Variants in RBFOX1 observed in about 807,000 individuals in gnomAD.
RBFOX1 encodes the protein RNA binding fox-1 homolog 1.
A neutral mutation model predicts 57.7 loss-of-function variants in RBFOX1; 8 were observed. That is an observed-to-expected ratio of 0.14 (90% CI 0.08 to 0.25). RBFOX1 has a LOEUF of 0.25. Ranked by LOEUF, RBFOX1 falls within the 10% of genes least tolerant of loss-of-function variation. The pLI, the probability that RBFOX1 is intolerant of heterozygous loss-of-function variation, is 1.00. For missense variants in RBFOX1, 611 were observed against 548.5 expected (o/e 1.11, Z -1.14); for synonymous variants, 326 against 222.4 (o/e 1.47, Z -4.15).
intron 4 of RBFOX1, among the ~76,000 whole-genome samples, chr16:7,189,429 A>AG (rs2084783437): frequency 1.0e-5 from 1 of 97,992 alleles, no homozygotes; most frequent in South Asian, 3.0e-4. Context: ...CCCTCTCAAA[A>AG]AAAAAAAAAA....
At chr16:7,213,961 C>T (rs937005688) in intron 4 of RBFOX1, among the ~76,000 whole-genome samples, 4 of 152,066 alleles carry the variant, frequency 2.6e-5, no homozygotes, top group African/African-American at 9.7e-5. Flanking sequence ...ATTCCATTTG[C>T]ACCGCAGAGC....
intron 1 of RBFOX1, among the ~76,000 whole-genome samples, chr16:6,101,213 C>G (rs1209324593): frequency 1.3e-5 from 2 of 152,184 alleles, no homozygotes; most frequent in Non-Finnish European, 2.9e-5. Context: ...TCCGGACCCA[C>G]TCTCTCACTT....
chr16:7,077,102 A>G (rs2153789771), intron 4 of RBFOX1, among the ~76,000 whole-genome samples: 1 of 152,200 alleles, frequency 6.6e-6, no homozygotes, highest in South Asian at 2.1e-4. Context: ...TGCACTTATA[A>G]TTTTCTGCCC....
intron 4 of RBFOX1, among the ~76,000 whole-genome samples, chr16:7,119,890 G>A (rs2066734421): frequency 6.6e-6 from 1 of 152,018 alleles, no homozygotes; most frequent in African/African-American, 2.4e-5. Flanking sequence ...TCCAACAGCA[G>A]CAGGATGTCC....
intron 4 of RBFOX1, among the ~76,000 whole-genome samples, chr16:7,339,886 C>G (rs2096860599): frequency 6.6e-6 from 1 of 152,216 alleles, no homozygotes; most frequent in Non-Finnish European, 1.5e-5. Context: ...TCACTCTCCA[C>G]CTCTCCACAG....
At chr16:7,615,813 A>T (rs575612976) in intron 10 of RBFOX1, among the ~76,000 whole-genome samples, 1 of 152,302 alleles carries the variant, frequency 6.6e-6, no homozygotes, top group African/African-American at 2.4e-5. Context: ...TGCACAAGAC[A>T]TTCCTTGACC....
chr16:6,999,918 A>G lies in RBFOX1; in HGVS notation c.-15-52139A>G, dbSNP rs148646699. On this transcript the variant is annotated intron_variant, in intron 3 of 15. Coordinates refer to ENST00000550418, the MANE Select transcript of RBFOX1 (RefSeq NM_018723.4). Reference sequence around the variant, plus strand: ...GAAACCCTGTCTTTACTAAAAATACAGAAGTTAACCAGGTGTGGTGGCACA... The same window carrying G: ...GAAACCCTGTCTTTACTAAAAATACGGAAGTTAACCAGGTGTGGTGGCACA... Among the ~76,000 whole-genome samples, 208 of 152,118 alleles carry G rather than the reference A, an allele frequency of 1.4e-3. 1 individual carries two copies. Among genetic ancestry groups the G allele is most frequent in the Non-Finnish European group, 1.3e-3 (87 of 67,988 alleles).
intron 4 of RBFOX1, among the ~76,000 whole-genome samples, chr16:7,161,788 T>G (rs1412535914): frequency 1.3e-5 from 2 of 152,192 alleles, no homozygotes; most frequent in Non-Finnish European, 2.9e-5. Flanking sequence ...AGAGGTGATT[T>G]CAGCACAAGC....
intron 2 of RBFOX1, among the ~76,000 whole-genome samples, chr16:6,615,509 G>T (rs1410375714): frequency 6.6e-6 from 1 of 151,764 alleles, no homozygotes; most frequent in Non-Finnish European, 1.5e-5. Flanking sequence ...GGCAGAGGTT[G>T]CAGTGAGCCA....
chr16:6,981,031 A>C (rs1266956700), intron 3 of RBFOX1, among the ~76,000 whole-genome samples: 1 of 105,002 alleles, frequency 9.5e-6, no homozygotes, highest in East Asian at 4.0e-4. Context: ...TGGCAGAGCA[A>C]GTCTCAGTCT....
At chr16:7,600,532 A>G (rs746797156) in intron 9 of RBFOX1, among the ~76,000 whole-genome samples, 1 of 152,196 alleles carries the variant, frequency 6.6e-6, no homozygotes, top group Non-Finnish European at 1.5e-5. Flanking sequence ...ATAAAGTCAC[A>G]TTGAAATGAG....
intron 1 of RBFOX1, among the ~76,000 whole-genome samples, chr16:6,067,751 A>T (rs1417491875): frequency 1.3e-5 from 2 of 152,216 alleles, no homozygotes; most frequent in Non-Finnish European, 2.9e-5. Flanking sequence ...ATGGGAAAAA[A>T]ATATATAAAA....
At chr16:6,635,210 T>A (rs1297469262) in intron 2 of RBFOX1, among the ~76,000 whole-genome samples, 1 of 149,668 alleles carries the variant, frequency 6.7e-6, no homozygotes. Context: ...TACATATTTT[T>A]AATTTAAAAT....
intron 4 of RBFOX1, among the ~76,000 whole-genome samples, chr16:5,906,083 G>A (rs1477071851): frequency 6.6e-6 from 1 of 152,118 alleles, no homozygotes; most frequent in African/African-American, 2.4e-5. Flanking sequence ...TGCTTGTTAT[G>A]TTCTTAGCTG....
At chr16:5,756,816 A>T (rs1440412137) in intron 3 of RBFOX1, among the ~76,000 whole-genome samples, 1 of 152,184 alleles carries the variant, frequency 6.6e-6, no homozygotes, top group Non-Finnish European at 1.5e-5. Flanking sequence ...GGAAAGGTGG[A>T]CTTCTCAATA....
At chr16:6,090,283 A>G (rs2096152100) in intron 1 of RBFOX1, 1 of 152,180 alleles carries the variant, frequency 6.6e-6, no homozygotes, top group Non-Finnish European at 1.5e-5. Context: ...AGTAACTTTA[A>G]TTCCACCTAT....
chr16:6,363,743 G>A (rs11077032), intron 2 of RBFOX1, among the ~76,000 whole-genome samples: 7 of 151,906 alleles, frequency 4.6e-5, no homozygotes, highest in East Asian at 3.9e-4. Context: ...GAAATCAATC[G>A]CTCTGTTCAC....
At chr16:6,689,278 A>G (rs1455005700) in intron 3 of RBFOX1, among the ~76,000 whole-genome samples, 4 of 152,170 alleles carry the variant, frequency 2.6e-5, no homozygotes, top group Non-Finnish European at 4.4e-5. Context: ...TCTTGTTTTC[A>G]TATGTGTTTA....
intron 4 of RBFOX1, among the ~76,000 whole-genome samples, chr16:7,279,323 T>C (rs1454017368): frequency 6.6e-6 from 1 of 152,118 alleles, no homozygotes; most frequent in African/African-American, 2.4e-5. Flanking sequence ...TTCTCAGAAA[T>C]GTCTTGTTTT....
Sources: allele counts gnomAD v4.1 joint callset (sites outside exome capture counted in the v4.1 genomes callset), GRCh38; gene constraint gnomAD v4.1.1; transcripts MANE v1.5; gene names NCBI Gene and HGNC (gene_info 2026-07-23, HGNC 2026-07-21).